The following OLA1 variants were observed in gnomAD, a reference collection of about 807,000 sequenced individuals.
OLA1 encodes the protein Obg like ATPase 1.
OLA1 carries 14 observed loss-of-function variants against 48.4 expected under a neutral mutation model. The ratio of observed to expected loss-of-function variants is 0.29; its 90% CI spans 0.19 to 0.45. The LOEUF (loss-of-function observed/expected upper bound fraction) is 0.45, where lower values mean the gene tolerates loss of function less well. Among genes scored for constraint, OLA1 ranks in the 20% least tolerant of loss-of-function variants. The pLI is 1.00. For synonymous variants in OLA1, 127 were observed against 150.4 expected (o/e 0.84, Z 1.14); for missense variants, 325 against 467.1 (o/e 0.70, Z 2.80).
intron 7 of OLA1, among the ~76,000 whole-genome samples, chr2:174,110,470 G>A (rs1685622656): frequency 6.6e-6 from 1 of 150,898 alleles, no homozygotes; most frequent in East Asian, 2.0e-4. Flanking sequence ...TTTGAGACAG[G>A]GTGTCACTCT....
At chr2:174,235,718 G>C (rs1688831580) in intron 2 of OLA1, among the ~76,000 whole-genome samples, 1 of 152,194 alleles carries the variant, frequency 6.6e-6, no homozygotes, top group African/African-American at 2.4e-5. Flanking sequence ...ATACTAGAAA[G>C]GTGGGAGCTG....
rs116541360 is a variant in OLA1 at position 174,208,790 on chromosome 2, C to T, written c.373+14243G>A. Among the ~76,000 whole-genome samples the T allele has an allele frequency of 1.9e-3, 295 of 152,312 alleles. 1 individual carries two copies. The highest frequency in any genetic ancestry group is 6.8e-3 in the African/African-American group (282 of 41,562). Reference sequence around the variant, plus strand: ...TCACCAACTTCCACACACACAACTTCTTATCTATTCCCTTAGCCAGGTTCT... The same window carrying T: ...TCACCAACTTCCACACACACAACTTTTTATCTATTCCCTTAGCCAGGTTCT... On this transcript the variant is annotated intron_variant, in intron 4 of 10. Coordinates refer to ENST00000284719, the MANE Select transcript of OLA1 (RefSeq NM_013341.5).
chr2:174,129,637 G>A (rs974459295), intron 5 of OLA1, among the ~76,000 whole-genome samples: 1 of 151,860 alleles, frequency 6.6e-6, no homozygotes, highest in African/African-American at 2.4e-5. Context: ...ATCTCTAGAA[G>A]GTTAGATGCC....
intron 4 of OLA1, among the ~76,000 whole-genome samples, chr2:174,160,074 C>T (rs1278114460): frequency 3.3e-5 from 5 of 151,938 alleles, no homozygotes; most frequent in Non-Finnish European, 5.9e-5. Flanking sequence ...AAACCTTAAA[C>T]CATAAATAAA....
At chr2:174,159,606 CTT>C (rs1278209971) in intron 4 of OLA1, among the ~76,000 whole-genome samples, 4 of 151,990 alleles carry the variant, frequency 2.6e-5, no homozygotes, top group South Asian at 2.1e-4. Context: ...GAAAATAAGA[CTT>C]ATCTAAATGT....
At chr2:174,118,193 T>C (rs748273094) in intron 7 of OLA1, among the ~76,000 whole-genome samples, 1 of 152,186 alleles carries the variant, frequency 6.6e-6, no homozygotes, top group Non-Finnish European at 1.5e-5. Context: ...AATCGTCTCA[T>C]ACCAGGCCCC....
chr2:174,128,362 T>C (rs1274609575), intron 5 of OLA1, among the ~76,000 whole-genome samples: 2 of 151,570 alleles, frequency 1.3e-5, no homozygotes, highest in Non-Finnish European at 2.9e-5. Context: ...GATCACGCCA[T>C]GCACTCCAGC....
Position 174,094,880 on chromosome 2 carries a change from A to G in OLA1, c.729-12816T>C, listed in dbSNP as rs114311021. Among the ~76,000 whole-genome samples the G allele has an allele frequency of 8.4e-3, 1,278 of 152,318 alleles. 19 individuals are homozygous for G. The highest frequency in any genetic ancestry group is 0.029 in the African/African-American group (1,212 of 41,574). ...AGTTTGACTACTTTAGAAACTGCAC[A>G]TAAGTGGAATCATATAGTATTTGTC... is the stretch of plus-strand genomic sequence containing the variant. On this transcript the variant is annotated intron_variant, in intron 7 of 10. Coordinates refer to ENST00000284719, the MANE Select transcript of OLA1 (RefSeq NM_013341.5).
At chr2:174,243,005 GTGTTTTTGT>G (rs986745320) in intron 2 of OLA1, among the ~76,000 whole-genome samples, 6 of 151,798 alleles carry the variant, frequency 4.0e-5, no homozygotes, top group African/African-American at 1.5e-4. Flanking sequence ...AGGCTTTTTT[GTGTTTTTGT>G]TGTTTTTTTT....
chr2:174,162,980 G>C (rs1174152088), intron 4 of OLA1, among the ~76,000 whole-genome samples: 2 of 152,084 alleles, frequency 1.3e-5, no homozygotes, highest in Non-Finnish European at 2.9e-5. Context: ...AGAGATGGAG[G>C]GTCCAGTGAG....
At chr2:174,175,186 A>G (rs1249167276) in intron 4 of OLA1, among the ~76,000 whole-genome samples, 2 of 151,944 alleles carry the variant, frequency 1.3e-5, no homozygotes, top group African/African-American at 2.4e-5. Context: ...TCTGTAACAC[A>G]GCGCTGGGTA....
At chr2:174,118,676 T>C (rs1029743025) in intron 7 of OLA1, among the ~76,000 whole-genome samples, 8 of 152,212 alleles carry the variant, frequency 5.3e-5, no homozygotes, top group African/African-American at 1.9e-4. Flanking sequence ...TTGAAAAAGA[T>C]GAAAGTCCTG....
At chr2:174,193,105 T>TG (rs971940715) in intron 4 of OLA1, among the ~76,000 whole-genome samples, 15 of 151,484 alleles carry the variant, frequency 9.9e-5, no homozygotes, top group Admixed American at 9.2e-4. Flanking sequence ...TTTTTTTTTT[T>TG]TGAGATGGGG....
intron 4 of OLA1, among the ~76,000 whole-genome samples, chr2:174,158,039 T>C (rs1424292342): frequency 6.6e-6 from 1 of 152,222 alleles, no homozygotes; most frequent in African/African-American, 2.4e-5. Context: ...TCCTCAATAC[T>C]TTTCTGATGT....
chr2:174,160,757 C>T (rs1175043776), intron 4 of OLA1, among the ~76,000 whole-genome samples: 2 of 152,096 alleles, frequency 1.3e-5, no homozygotes, highest in African/African-American at 4.8e-5. Flanking sequence ...TAATTGTGGA[C>T]ATTTATCTGC....
intron 4 of OLA1, among the ~76,000 whole-genome samples, chr2:174,205,681 G>A (rs947906963): frequency 6.6e-6 from 1 of 152,202 alleles, no homozygotes; most frequent in African/African-American, 2.4e-5. Context: ...ATCCAGGACA[G>A]TCAGGTAATG....
chr2:174,095,606 G>C (rs926791228), intron 7 of OLA1, among the ~76,000 whole-genome samples: 2 of 152,040 alleles, frequency 1.3e-5, no homozygotes, highest in African/African-American at 4.8e-5. Flanking sequence ...AATGGGTAAA[G>C]AAGAGTCAAC....
At chr2:174,119,371 T>C (rs1011430910) in intron 7 of OLA1, among the ~76,000 whole-genome samples, 1 of 152,136 alleles carries the variant, frequency 6.6e-6, no homozygotes, top group Non-Finnish European at 1.5e-5. Flanking sequence ...GTTATATTTC[T>C]AGCTTAAATG....
chr2:174,187,096 G>C (rs927106205), intron 4 of OLA1, among the ~76,000 whole-genome samples: 1 of 152,018 alleles, frequency 6.6e-6, no homozygotes, highest in African/African-American at 2.4e-5. Context: ...AAAATTAAAG[G>C]GAATTGTGAA....
Sources: gnomAD v4.1 joint callset for allele counts (sites outside exome capture counted in the v4.1 genomes callset) on GRCh38, gnomAD v4.1.1 for gene constraint, MANE v1.5 for transcripts, NCBI Gene and HGNC (gene_info 2026-07-23, HGNC 2026-07-21) for gene names.